The following HOMER2 variants were observed in gnomAD, a reference collection of about 807,000 sequenced individuals.
HOMER2 encodes homer protein homolog 2.
In HOMER2, 27 loss-of-function variants were observed where a neutral mutation model predicts 47.0. That is an observed-to-expected ratio of 0.57 (90% CI 0.42 to 0.79). The LOEUF is 0.79. Ranked by LOEUF, HOMER2 falls within the 30% of genes least tolerant of loss-of-function variation. The pLI, the probability that HOMER2 is intolerant of heterozygous loss-of-function variation, is 0.00. For missense variants in HOMER2, 443 were observed against 435.0 expected (o/e 1.02, Z -0.16); for synonymous variants, 161 against 163.8 (o/e 0.98, Z 0.13).
chr15:82,974,307 G>T (rs1218017664), intron 1 of HOMER2, among the ~76,000 whole-genome samples: 5 of 152,002 alleles, frequency 3.3e-5, no homozygotes, highest in African/African-American at 1.2e-4. Flanking sequence ...GGGAGGCTGA[G>T]GCAGGAGAAC....
In HOMER2 at chr15:82,947,341, T is replaced by C. The variant is rs556088084; in HGVS notation, c.5+5190A>G. ...AACATCAAAAGAAAGTAAATCGGTA[T>C]AGAGTACCAAAAGGCAGCCTGAGGT... is the stretch of plus-strand genomic sequence containing the variant. On this transcript the variant is annotated intron_variant, in intron 1 of 8. Coordinates refer to ENST00000450735, the MANE Select transcript of HOMER2 (RefSeq NM_004839.4). Among the ~76,000 whole-genome samples the C allele has an allele frequency of 3.9e-5, 6 of 152,326 alleles. No homozygotes were observed. The East Asian group carries it at 5.8e-4, about 15-fold the overall frequency.
At chr15:82,910,604 G>A (rs1400102371) in intron 1 of HOMER2, among the ~76,000 whole-genome samples, 1 of 152,140 alleles carries the variant, frequency 6.6e-6, no homozygotes, top group Admixed American at 6.5e-5. Context: ...AAATTTTGGG[G>A]GAAAGAAATC....
chr15:82,968,652 A>G (rs1480190075), intron 1 of HOMER2, among the ~76,000 whole-genome samples: 1 of 152,200 alleles, frequency 6.6e-6, no homozygotes. Flanking sequence ...CCTATAACAG[A>G]ACAAAAAGAG....
At position 82,880,707 on chromosome 15, in the gene HOMER2, G is replaced by A. The variant is rs551585290; in HGVS notation, c.163-5303C>T. ...GACCGAGGAGGTGGCTGGACCTGTGGGTTCTGGCGTCAGAGGAGATACGAG... is the reference window on the plus strand; with the variant it reads ...GACCGAGGAGGTGGCTGGACCTGTGAGTTCTGGCGTCAGAGGAGATACGAG... On this transcript the variant is annotated intron_variant, in intron 2 of 8. Transcript: ENST00000450735. Among the ~76,000 whole-genome samples, 4 of 152,294 alleles carry A rather than the reference G, an allele frequency of 2.6e-5. No homozygotes were observed. The East Asian group carries it at 5.8e-4, about 22-fold the overall frequency.
chr15:82,963,800 T>C (rs533708598), intron 1 of HOMER2, among the ~76,000 whole-genome samples: 5 of 152,300 alleles, frequency 3.3e-5, no homozygotes, highest in Admixed American at 6.5e-5. Flanking sequence ...TGGCTGCTTT[T>C]ACCAACCCTC....
At chr15:82,853,267 G>A (rs1366836461) in intron 6 of HOMER2, among the ~76,000 whole-genome samples, 1 of 73,140 alleles carries the variant, frequency 1.4e-5, no homozygotes, top group Non-Finnish European at 3.1e-5. Flanking sequence ...CACTCCCCCC[G>A]CACTGCTGCT....
Position 82,892,702 on chromosome 15 carries a change from T to C in HOMER2, c.145A>G (p.Ser49Gly), listed in dbSNP as rs2052753081. ...DVTRNSYRII[S>G]VDGAKVIINS... ...GGTGGTACCTTGGCTCCGTCCACACTGATGATCCGATAGCTGTTCCTTGTG... is the reference window on the plus strand; with the variant it reads ...GGTGGTACCTTGGCTCCGTCCACACCGATGATCCGATAGCTGTTCCTTGTG... Residue 49 changes from serine (S) to glycine (G), a missense_variant, in exon 2 of 9, where the codon AGT (serine) becomes GGT (glycine). Transcript: ENST00000450735. The C allele has an allele frequency of 6.3e-7, 1 of 1,589,314 alleles. No homozygotes were observed. The highest frequency in any genetic ancestry group is 8.6e-7 in the Non-Finnish European group (1 of 1,162,156).
chr15:82,927,704 C>T (rs890753031), intron 1 of HOMER2, among the ~76,000 whole-genome samples: 5 of 152,186 alleles, frequency 3.3e-5, no homozygotes, highest in Admixed American at 2.6e-4. Context: ...GGCGCAGTGG[C>T]TCACGCCTGT....
At chr15:82,873,595 A>G (rs2052246284) in intron 3 of HOMER2, among the ~76,000 whole-genome samples, 1 of 152,118 alleles carries the variant, frequency 6.6e-6, no homozygotes, top group African/African-American at 2.4e-5. Flanking sequence ...TCCCATAACT[A>G]TGTCCAATGA....
At chr15:82,893,329 C>CTTTTTTT (rs771392216) in intron 1 of HOMER2, among the ~76,000 whole-genome samples, 2 of 118,960 alleles carry the variant, frequency 1.7e-5, no homozygotes, top group Non-Finnish European at 3.4e-5. Context: ...ATAATTTTAT[C>CTTTTTTT]TTTTTTTTTT....
At chr15:82,972,195 A>C (rs2030016575) in intron 1 of HOMER2, among the ~76,000 whole-genome samples, 1 of 152,168 alleles carries the variant, frequency 6.6e-6, no homozygotes, top group Non-Finnish European at 1.5e-5. Flanking sequence ...TTTGTAGTCA[A>C]TCCCTATCCT....
At chr15:82,879,227 G>A (rs754738191) in intron 2 of HOMER2, among the ~76,000 whole-genome samples, 15 of 152,180 alleles carry the variant, frequency 9.9e-5, no homozygotes, top group Non-Finnish European at 1.8e-4. Flanking sequence ...GTAGTTTGCA[G>A]GCTCATGCCT....
chr15:82,856,737 G>T (rs932986609), intron 5 of HOMER2, among the ~76,000 whole-genome samples: 1 of 152,234 alleles, frequency 6.6e-6, no homozygotes. Flanking sequence ...AAAGGCAGGG[G>T]GTTGGATCTA....
chr15:82,903,151 T>C (rs1353968876), intron 1 of HOMER2, among the ~76,000 whole-genome samples: 2 of 152,206 alleles, frequency 1.3e-5, no homozygotes, highest in African/African-American at 2.4e-5. Flanking sequence ...GACCGGAAGC[T>C]ATTACTGAGG....
chr15:82,980,126 ATATT>A (rs2151263514), intron 1 of HOMER2, among the ~76,000 whole-genome samples: 1 of 152,262 alleles, frequency 6.6e-6, no homozygotes, highest in East Asian at 1.9e-4. Flanking sequence ...ACACATATAT[ATATT>A]TAAATTTCTG....
intron 1 of HOMER2, among the ~76,000 whole-genome samples, chr15:82,909,977 A>G (rs1419698118): frequency 6.6e-6 from 1 of 152,010 alleles, no homozygotes; most frequent in African/African-American, 2.4e-5. Flanking sequence ...TCTACTAAAA[A>G]TACAAATTAG....
intron 1 of HOMER2, among the ~76,000 whole-genome samples, chr15:82,949,895 G>A (rs1408890411): frequency 6.6e-6 from 1 of 152,138 alleles, no homozygotes; most frequent in African/African-American, 2.4e-5. Context: ...AAGTTCTGTT[G>A]GTCAGATGTA....
chr15:82,912,938 G>A (rs1357281033), intron 1 of HOMER2, among the ~76,000 whole-genome samples: 1 of 152,194 alleles, frequency 6.6e-6, no homozygotes, highest in Non-Finnish European at 1.5e-5. Context: ...GCTGCCCAAG[G>A]AGGGAACCTC....
intron 1 of HOMER2, among the ~76,000 whole-genome samples, chr15:82,912,608 G>A (rs2053481231): frequency 6.6e-6 from 1 of 152,140 alleles, no homozygotes; most frequent in East Asian, 1.9e-4. Context: ...TATATACCTA[G>A]GAGTGGCATT....
Sources: allele counts gnomAD v4.1 joint callset (sites outside exome capture counted in the v4.1 genomes callset), GRCh38; gene constraint gnomAD v4.1.1; transcripts MANE v1.5; gene names NCBI Gene and HGNC (gene_info 2026-07-23, HGNC 2026-07-21).